BNC2: variants seen among roughly 807,000 people sequenced by gnomAD.
BNC2 encodes the protein zinc finger protein basonuclin-2.
BNC2 carries 20 observed loss-of-function variants against 76.3 expected under a neutral mutation model. The observed-to-expected ratio is 0.26, with a 90% CI of 0.18 to 0.38. The LOEUF (loss-of-function observed/expected upper bound fraction) is 0.38. Ranked by LOEUF, BNC2 falls within the 10% of genes least tolerant of loss-of-function variation. BNC2 has a pLI of 1.00. For synonymous variants in BNC2, 582 were observed against 514.8 expected, an observed-to-expected ratio of 1.13 and a Z score of -1.77; for missense variants, 1,382 against 1,399.8, an observed-to-expected ratio of 0.99 and a Z score of 0.20.
chr9:16,800,001 G>C (rs897628243), intron 1 of BNC2, among the ~76,000 whole-genome samples: 6 of 152,076 alleles, frequency 3.9e-5, no homozygotes, highest in African/African-American at 1.4e-4. Context: ...CAGGTGGGCA[G>C]ATCACCTGAG....
intron 3 of BNC2, among the ~76,000 whole-genome samples, chr9:16,661,038 A>G (rs1359857094): frequency 6.6e-6 from 1 of 152,176 alleles, no homozygotes; most frequent in Non-Finnish European, 1.5e-5. Flanking sequence ...AATATTCTAA[A>G]GTGTATATAC....
chr9:16,847,418 C>T (rs1031853701), intron 1 of BNC2, among the ~76,000 whole-genome samples: 2 of 29,386 alleles, frequency 6.8e-5, no homozygotes, highest in Non-Finnish European at 1.1e-4. Flanking sequence ...GGGGGGGCGG[C>T]GGGCAACAAC....
intron 3 of BNC2, among the ~76,000 whole-genome samples, chr9:16,594,853 T>C (rs999075310): frequency 2.6e-4 from 39 of 152,184 alleles, no homozygotes; most frequent in Admixed American, 2.0e-3. Flanking sequence ...TCCCCCTTGT[T>C]CCCCTCCTCC....
At chr9:16,557,977 A>C (rs1243429661) in intron 4 of BNC2, among the ~76,000 whole-genome samples, 1 of 151,806 alleles carries the variant, frequency 6.6e-6, no homozygotes, top group Non-Finnish European at 1.5e-5. Context: ...CCAAGCAGCT[A>C]GGACTAGAGG....
At chr9:16,842,908 C>A (rs977228846) in intron 1 of BNC2, among the ~76,000 whole-genome samples, 2 of 152,142 alleles carry the variant, frequency 1.3e-5, no homozygotes, top group African/African-American at 4.8e-5. Context: ...TGCACCACCA[C>A]ACCCAACTAA....
chr9:16,755,802 T>C (rs1423801772), intron 1 of BNC2, among the ~76,000 whole-genome samples: 2 of 152,216 alleles, frequency 1.3e-5, no homozygotes, highest in African/African-American at 2.4e-5. Context: ...CCATCTGCTA[T>C]TGAGGGCTTG....
chr9:16,604,355 G>C (rs1380153727), intron 3 of BNC2, among the ~76,000 whole-genome samples: 1 of 152,088 alleles, frequency 6.6e-6, no homozygotes, highest in East Asian at 1.9e-4. Flanking sequence ...GTTTATTTTA[G>C]AAAAGCTGCA....
intron 5 of BNC2, among the ~76,000 whole-genome samples, chr9:16,437,775 C>T (rs1291552848): frequency 2.0e-5 from 3 of 152,090 alleles, no homozygotes; most frequent in Non-Finnish European, 4.4e-5. Flanking sequence ...AAATGTAGAC[C>T]ACTGGGGCTC....
At chr9:16,731,535 G>T (rs1458149591) in intron 2 of BNC2, among the ~76,000 whole-genome samples, 1 of 152,060 alleles carries the variant, frequency 6.6e-6, no homozygotes, top group Non-Finnish European at 1.5e-5. Flanking sequence ...GAGAACTGAA[G>T]GGGAAAAAAA....
chr9:16,621,050 T>C (rs1820852807), intron 3 of BNC2, among the ~76,000 whole-genome samples: 2 of 152,184 alleles, frequency 1.3e-5, no homozygotes, highest in South Asian at 2.1e-4. Context: ...CAAGATCAAA[T>C]TGAGCCTGGT....
chr9:16,744,233 T>G (rs1824936101), intron 1 of BNC2, among the ~76,000 whole-genome samples: 5 of 152,086 alleles, frequency 3.3e-5, no homozygotes, highest in Admixed American at 3.3e-4. Context: ...CCTCCCAAAG[T>G]GCTGGGATTA....
chr9:16,819,604 C>G (rs1818267821), intron 1 of BNC2, among the ~76,000 whole-genome samples: 1 of 151,990 alleles, frequency 6.6e-6, no homozygotes, highest in South Asian at 2.1e-4. Context: ...TTGCAGTGAG[C>G]TGAGATCATG....
At chr9:16,870,148 G>A (rs1028817963) in intron 1 of BNC2, among the ~76,000 whole-genome samples, 6 of 151,898 alleles carry the variant, frequency 4.0e-5, no homozygotes, top group Admixed American at 3.3e-4. Context: ...GGGCGGCTGC[G>A]CCCCAGCGCA....
At position 16,522,590 on chromosome 9, in the gene BNC2, C is replaced by G. The variant is rs1817652448; in HGVS notation, c.669+29940G>C. ...GAGGGTGTGACTGAGACTTGATAAC[C>G]TGAACAGTGGGAGCCAAGAGGCCTG... On this transcript the variant is annotated intron_variant, in intron 5 of 6. Coordinates refer to ENST00000380672, the MANE Select transcript of BNC2 (RefSeq NM_017637.6). Among the ~76,000 whole-genome samples, 3 of 152,044 alleles carry G rather than the reference C, an allele frequency of 2.0e-5. No individual in the cohort carries two copies. The South Asian group carries it at 6.2e-4, about 32-fold the overall frequency.
chr9:16,784,476 T>G (rs1314830593), intron 1 of BNC2, among the ~76,000 whole-genome samples: 10 of 152,192 alleles, frequency 6.6e-5, no homozygotes, highest in Admixed American at 6.5e-4. Context: ...ATAAGAGGTA[T>G]TCCTGGGAAA....
rs1286028035 is a variant in BNC2, at chr9:16,724,579, G to A, written c.330+3218C>T. ...AAATGTACAGGCACAGGAAAATGTA[G>A]TCAAATAGACTTCACTTGAACTTTA... On this transcript the variant is annotated intron_variant, in intron 3 of 6. Transcript: ENST00000380672. Among the ~76,000 whole-genome samples, 3 of 152,028 alleles carry A rather than the reference G, an allele frequency of 2.0e-5. No homozygotes were observed. In the East Asian group the frequency reaches 5.8e-4, roughly 29 times the overall value.
At chr9:16,773,879 A>T (rs1300226038) in intron 1 of BNC2, among the ~76,000 whole-genome samples, 3 of 152,232 alleles carry the variant, frequency 2.0e-5, no homozygotes, top group Non-Finnish European at 4.4e-5. Flanking sequence ...GCTTGCCAAC[A>T]AGTTGCAGAT....
At chr9:16,545,075 G>A (rs1417029014) in intron 5 of BNC2, among the ~76,000 whole-genome samples, 2 of 152,134 alleles carry the variant, frequency 1.3e-5, no homozygotes, top group African/African-American at 4.8e-5. Flanking sequence ...CAAAGTCTTT[G>A]TTACTGCATA....
chr9:16,598,400 C>G (rs1185685294), intron 3 of BNC2, among the ~76,000 whole-genome samples: 1 of 152,130 alleles, frequency 6.6e-6, no homozygotes, highest in Non-Finnish European at 1.5e-5. Flanking sequence ...AAAATAGAAA[C>G]TATAAAATTC....
Sources: allele counts gnomAD v4.1 joint callset (sites outside exome capture counted in the v4.1 genomes callset), GRCh38; gene constraint gnomAD v4.1.1; transcripts MANE v1.5; gene names NCBI Gene and HGNC (gene_info 2026-07-23, HGNC 2026-07-21).